The following RNMT variants were observed in gnomAD, a reference collection of about 807,000 sequenced individuals.
RNMT encodes the protein RNA guanine-7 methyltransferase, also known as mRNA cap guanine-N(7) methyltransferase.
In RNMT, 27 loss-of-function variants were observed where a neutral mutation model predicts 56.0. That is an observed-to-expected ratio of 0.48 (90% CI 0.36 to 0.67). The LOEUF (loss-of-function observed/expected upper bound fraction) is 0.67. RNMT is among the 30% of genes least tolerant of loss of function. The pLI, the probability that RNMT is intolerant of heterozygous loss-of-function variation, is 0.00. For synonymous variants in RNMT, 184 were observed against 176.2 expected, an observed-to-expected ratio of 1.04 and a Z score of -0.35; for missense variants, 519 against 552.1, an observed-to-expected ratio of 0.94 and a Z score of 0.60.
chr18:13,757,231 G>A (rs1038437041), intron 11 of RNMT, among the ~76,000 whole-genome samples: 4 of 152,088 alleles, frequency 2.6e-5, no homozygotes, highest in African/African-American at 7.2e-5. Context: ...CCTCCATGGC[G>A]GAAATACTCT....
At chr18:13,729,404 A>G (rs148608185) in intron 1 of RNMT, among the ~76,000 whole-genome samples, 5 of 152,350 alleles carry the variant, frequency 3.3e-5, no homozygotes, top group South Asian at 2.1e-4. Context: ...CTCAATATTA[A>G]TTTTAGGTAA....
intron 5 of RNMT, 103 bp from the exon 6 acceptor site, chr18:13,740,063 TG>T: frequency 1.4e-6 from 1 of 697,090 alleles, no homozygotes; most frequent in Non-Finnish European, 2.5e-6. Flanking sequence ...ACCTTTTCAC[TG>T]GTACTAAGGC....
Position 13,761,327 on chromosome 18 carries a change from G to A in RNMT, c.*1348G>A, listed in dbSNP as rs1284897531. 3.0e-6 allele frequency: 3 copies of A among 985,258 alleles called. No homozygotes were observed. Among genetic ancestry groups the A allele is most frequent in the African/African-American group, 3.5e-5 (2 of 57,216 alleles). The allele number at this position is 985,258 out of a possible 1,614,324, so 61.0% of individuals were successfully genotyped here. Reference sequence around the variant, plus strand: ...AATAAGTAATACTGCATCTGACTCTGGTGGCTGTATTAGCTAGGAAAGGTT... The same window carrying A: ...AATAAGTAATACTGCATCTGACTCTAGTGGCTGTATTAGCTAGGAAAGGTT... On this transcript the variant is annotated 3_prime_UTR_variant, in exon 12 of 12. Transcript: ENST00000383314.
intron 2 of RNMT, 40 bp from the exon 3 acceptor site, chr18:13,731,436 T>C (rs537745079): frequency 8.9e-6 from 10 of 1,119,726 alleles, no homozygotes; most frequent in Non-Finnish European, 1.3e-5. Flanking sequence ...TTTTAAAGTC[T>C]TAGTGTTTAC....
Position 13,763,124 on chromosome 18 carries a change from TAGGA to T in RNMT, c.*3148_*3151del, listed in dbSNP as rs1196500282. ...GGTACTTGATGGCCTGTTGGTCAAATAGGAAGTACAAGTGTGTGATGTTAGAACC... is the reference window on the plus strand; with the variant it reads ...GGTACTTGATGGCCTGTTGGTCAAATAGTACAAGTGTGTGATGTTAGAACC... On this transcript the variant is annotated 3_prime_UTR_variant, in exon 12 of 12. Transcript: ENST00000383314. 4.4e-6 allele frequency: 2 copies of T among 455,968 alleles called. No individual in the cohort carries two copies. The highest frequency in any genetic ancestry group is 7.0e-5 in the East Asian group (1 of 14,374). The allele number at this position is 455,968 out of a possible 1,614,324, so 28.2% of individuals were successfully genotyped here.
rs545763102 is a variant in RNMT, at chr18:13,763,439, C to T, written c.*3460C>T. ...CGATATTGAGGAAGCACAGGACATC[C>T]AAGGGTACTCTCCAGTTTGGCTGTG... On this transcript the variant is annotated 3_prime_UTR_variant, in exon 12 of 12. Coordinates refer to ENST00000383314, the MANE Select transcript of RNMT (RefSeq NM_003799.3). The T allele has an allele frequency of 9.4e-4, 207 of 220,704 alleles. No homozygotes were observed. The highest frequency in any genetic ancestry group is 4.5e-3 in the African/African-American group (201 of 44,888). 13.7% of individuals were successfully genotyped at this position (220,704 alleles called of 1,614,324 possible).
intron 10 of RNMT, among the ~76,000 whole-genome samples, chr18:13,753,389 C>T (rs1462664633): frequency 6.6e-6 from 1 of 151,926 alleles, no homozygotes; most frequent in East Asian, 1.9e-4. Context: ...GGGGTGAACC[C>T]GGGAGGCGGA....
chr18:13,762,642 C>T lies in RNMT; in HGVS notation c.*2663C>T, dbSNP rs1028207444. 6 of 196,804 alleles carry T rather than the reference C, an allele frequency of 3.0e-5. No individual in the cohort carries two copies. The highest frequency in any genetic ancestry group is 1.4e-4 in the African/African-American group (6 of 42,518). The allele number at this position is 196,804 out of a possible 1,614,324, so 12.2% of individuals were successfully genotyped here. On this transcript the variant is annotated 3_prime_UTR_variant, in exon 12 of 12. Coordinates refer to ENST00000383314, the MANE Select transcript of RNMT (RefSeq NM_003799.3). Reference sequence around the variant, plus strand: ...CATCCACACTTGGAAATTGAGGGAGCATGACCGCTCTCTGACTTCACATGT... The same window carrying T: ...CATCCACACTTGGAAATTGAGGGAGTATGACCGCTCTCTGACTTCACATGT...
At chr18:13,745,178 C>T (rs944738374) in intron 8 of RNMT, among the ~76,000 whole-genome samples, 8 of 152,130 alleles carry the variant, frequency 5.3e-5, no homozygotes, top group East Asian at 1.9e-4. Context: ...TGAATGTCTT[C>T]GAGACCATGT....
In RNMT at chr18:13,734,508, T is replaced by C; in HGVS notation, c.462T>C (p.Asn154=). 1 of 1,613,776 alleles carries C rather than the reference T, an allele frequency of 6.2e-7. No homozygotes were observed. Among genetic ancestry groups the C allele is most frequent in the Non-Finnish European group, 8.5e-7 (1 of 1,179,786 alleles). Reference sequence around the variant, plus strand: ...GCTCAACAGTGGCTGCCCATTACAATGAACTTCAGGAAGTTGGTTTGGAGA... The same window carrying C: ...GCTCAACAGTGGCTGCCCATTACAACGAACTTCAGGAAGTTGGTTTGGAGA... ...GHSSTVAAHY[N]ELQEVGLEKR... is the part of the protein sequence containing the mutation. Residue 154 remains asparagine (N), a synonymous_variant, in exon 4 of 12, where the codon AAT becomes AAC. Transcript: ENST00000383314.
In RNMT at chr18:13,742,599, G is replaced by T. The variant is rs778464114; in HGVS notation, c.1086G>T (p.Leu362Phe). 3 of 1,613,620 alleles carry T rather than the reference G, an allele frequency of 1.9e-6. No individual in the cohort carries two copies. The highest frequency in any genetic ancestry group is 2.5e-6 in the Non-Finnish European group (3 of 1,179,790). Residue 362 changes from leucine (L) to phenylalanine (F), a missense_variant, in exon 8 of 12, where the codon TTG (leucine) becomes TTT (phenylalanine). Leu to Phe is a conservative substitution (Grantham distance 22, BLOSUM62 0). Transcript: ENST00000383314. Reference protein sequence around the residue: ...PLFGCKYDFNLEGVVDVPEFL... With the variant: ...PLFGCKYDFNFEGVVDVPEFL... The stretch of plus-strand genomic sequence containing the variant: ...TTGGCTGCAAATATGACTTCAACTT[G>T]GAAGGTGTTGTGGATGTTCCTGAAT...
At chr18:13,736,492 T>C (rs2044159596) in intron 4 of RNMT, among the ~76,000 whole-genome samples, 1 of 151,708 alleles carries the variant, frequency 6.6e-6, no homozygotes, top group Admixed American at 6.6e-5. Flanking sequence ...AAAGACATAG[T>C]GCTTTTTTTT....
chr18:13,732,993 C>T (rs1430817051), intron 3 of RNMT, among the ~76,000 whole-genome samples: 2 of 151,960 alleles, frequency 1.3e-5, no homozygotes, highest in African/African-American at 2.4e-5. Flanking sequence ...GAATTCCTGA[C>T]CTTGTGATCT....
intron 9 of RNMT, among the ~76,000 whole-genome samples, chr18:13,749,242 G>GT (rs2044400710): frequency 6.6e-6 from 1 of 152,182 alleles, no homozygotes; most frequent in Admixed American, 6.5e-5. Flanking sequence ...CAACAAAATA[G>GT]TTTGACAGGC....
chr18:13,732,082 C>T, intron 3 of RNMT, 148 bp downstream of exon 3: 2 of 557,750 alleles, frequency 3.6e-6, no homozygotes, highest in Non-Finnish European at 5.9e-6. Flanking sequence ...AGGCTTTTAA[C>T]TCTTATGATT....
intron 2 of RNMT, 52 bp from the exon 3 acceptor site, chr18:13,731,424 T>G (rs2044066052): frequency 2.1e-6 from 2 of 941,938 alleles, no homozygotes; most frequent in South Asian, 4.1e-5. Flanking sequence ...AAAAAAAAAT[T>G]GTTTTAAAGT....
In RNMT at chr18:13,760,500, T is replaced by C. The variant is rs143562749; in HGVS notation, c.*521T>C. On this transcript the variant is annotated 3_prime_UTR_variant, in exon 12 of 12. Coordinates refer to ENST00000383314, the MANE Select transcript of RNMT (RefSeq NM_003799.3). ...TTTAAAACTCAATTTCAGATGCTCATAAAAGTTACTTAGCTAAAATTTTAG... is the reference window on the plus strand; with the variant it reads ...TTTAAAACTCAATTTCAGATGCTCACAAAAGTTACTTAGCTAAAATTTTAG... 38 of 985,592 alleles carry C rather than the reference T, an allele frequency of 3.9e-5. No individual in the cohort carries two copies. The East Asian group carries it at 2.4e-3, about 62-fold the overall frequency. The allele number at this position is 985,592 out of a possible 1,614,324, so 61.1% of individuals were successfully genotyped here.
chr18:13,751,465 C>A (rs965006176), intron 9 of RNMT, among the ~76,000 whole-genome samples: 1 of 152,174 alleles, frequency 6.6e-6, no homozygotes, highest in South Asian at 2.1e-4. Context: ...ATTCAGGAAA[C>A]AACAGATGCT....
Position 13,761,843 on chromosome 18 carries a change from A to ACCCCCC in RNMT, c.*1865_*1870dup. On this transcript the variant is annotated 3_prime_UTR_variant, in exon 12 of 12. Coordinates refer to ENST00000383314, the MANE Select transcript of RNMT (RefSeq NM_003799.3). ...ATCAGTTCTTCCTCCACCACCCTAC[A>ACCCCCC]CCCCCCTCCCCCCGGCCCCAAGCCC... 2 of 1,149,692 alleles carry ACCCCCC rather than the reference A, an allele frequency of 1.7e-6. No homozygotes were observed. Among genetic ancestry groups the ACCCCCC allele is most frequent in the Non-Finnish European group, 2.2e-6 (2 of 920,690 alleles). The allele number at this position is 1,149,692 out of a possible 1,614,324, so 71.2% of individuals were successfully genotyped here. A position where few individuals can be genotyped will look rare whatever the true frequency, so the allele number is the denominator to read the frequency against.
Sources: allele counts gnomAD v4.1 joint callset (sites outside exome capture counted in the v4.1 genomes callset), GRCh38; gene constraint gnomAD v4.1.1; transcripts MANE v1.5; gene names NCBI Gene and HGNC (gene_info 2026-07-23, HGNC 2026-07-21).